The following IRAG2 variants were observed in gnomAD, a reference collection of about 807,000 sequenced individuals.
IRAG2 encodes the protein inositol 1,4,5-triphosphate receptor associated 2.
A neutral mutation model predicts 69.9 loss-of-function variants in IRAG2; 45 were observed. That is an observed-to-expected ratio of 0.64 (90% CI 0.51 to 0.83). The LOEUF is 0.83. Ranked by LOEUF, IRAG2 falls within the 40% of genes least tolerant of loss-of-function variation. IRAG2 has a pLI of 0.00. For synonymous variants in IRAG2, 193 were observed against 202.4 expected (o/e 0.95, Z 0.40); for missense variants, 520 against 587.0 (o/e 0.89, Z 1.18).
At chr12:25,049,803 A>G (rs9737700), upstream of IRAG2, among the ~76,000 whole-genome samples, 50,927 of 151,514 alleles carry the variant, frequency 0.34, 10,210 homozygotes, top group Admixed American at 0.48. Flanking sequence ...TAACAAGGTG[A>G]AACCCTGTCT....
chr12:25,104,597 T>C (rs1948930238), intron 20 of IRAG2, 135 bp downstream of exon 20: 1 of 632,432 alleles, frequency 1.6e-6, no homozygotes, highest in African/African-American at 1.8e-5. Context: ...TTTTATAAAC[T>C]GTAAAGCACA....
In IRAG2 at chr12:25,088,179, C is replaced by A. The variant is rs61912260; in HGVS notation, c.373+22C>A. 4.2e-3 allele frequency: 6,776 copies of A among 1,595,276 alleles called. 17 individuals are homozygous for A. The highest frequency in any genetic ancestry group is 5.3e-3 in the Non-Finnish European group (6,158 of 1,162,994). On this transcript the variant is annotated intron_variant, in intron 11 of 21. Coordinates refer to ENST00000556887, the MANE Select transcript of IRAG2 (RefSeq NM_001366544.2). ...GGAGGTAAGGAATGTTTCTTTCAAT[C>A]CCCATGTGAACTTTTGTTCTCTGCT...
At chr12:25,048,421 C>T (rs558430396), upstream of IRAG2, among the ~76,000 whole-genome samples, 12 of 152,146 alleles carry the variant, frequency 7.9e-5, no homozygotes, top group African/African-American at 2.2e-4. Flanking sequence ...CTCAGCCTCC[C>T]GAGTAGCTGG....
chr12:25,001,575 CTGTT>C (rs1432208905), upstream of IRAG2, among the ~76,000 whole-genome samples: 5 of 152,148 alleles, frequency 3.3e-5, no homozygotes, highest in African/African-American at 1.2e-4. Flanking sequence ...CAAAGTGAGA[CTGTT>C]TGTTATGGCT....
intron 4 of IRAG2, among the ~76,000 whole-genome samples, chr12:25,064,764 CAAT>C (rs1372481630): frequency 6.6e-6 from 1 of 152,116 alleles, no homozygotes; most frequent in Admixed American, 6.5e-5. Context: ...AACTCAGTAA[CAAT>C]AACCACCACC....
chr12:25,017,018 TAAA>T (rs200270514), intron 5 of IRAG2: 110 of 597,914 alleles, frequency 1.8e-4, no homozygotes, highest in Middle Eastern at 1.1e-3. Flanking sequence ...AGGGTAAAGT[TAAA>T]AAAAAAAAAA....
chr12:25,066,221 C>T (rs1430136224), intron 4 of IRAG2, 144 bp from the exon 5 acceptor site: 1 of 382,094 alleles, frequency 2.6e-6, no homozygotes, highest in Non-Finnish European at 4.6e-6. Context: ...TGTGATTAGG[C>T]ATCAAGGGAG....
At chr12:25,015,236 G>A in exon 4 of IRAG2, 2 of 1,224,104 alleles carry the variant, frequency 1.6e-6, no homozygotes, top group Non-Finnish European at 2.0e-6. Flanking sequence ...TTTGTGAACA[G>A]GATGGCATAA....
chr12:25,099,017 C>T (rs1406590450), intron 15 of IRAG2, among the ~76,000 whole-genome samples: 6 of 152,160 alleles, frequency 3.9e-5, no homozygotes, highest in African/African-American at 1.4e-4. Context: ...TCTAGGCTTC[C>T]TGCAGTTCTA....
At chr12:25,018,057 T>C (rs1237710407) in intron 6 of IRAG2, among the ~76,000 whole-genome samples, 4 of 152,218 alleles carry the variant, frequency 2.6e-5, no homozygotes, top group Non-Finnish European at 5.9e-5. Context: ...TTCAGTTGCA[T>C]AGATATATCA....
intron 19 of IRAG2, 101 bp from the exon 20 acceptor site, chr12:25,104,260 T>A: frequency 1.1e-6 from 1 of 909,802 alleles, no homozygotes; most frequent in Non-Finnish European, 1.8e-6. Context: ...AAAAAATAAT[T>A]AGGACATATA....
At chr12:25,000,825 C>T (rs1178665899), upstream of IRAG2, among the ~76,000 whole-genome samples, 6 of 152,220 alleles carry the variant, frequency 3.9e-5, no homozygotes, top group Admixed American at 2.0e-4. Flanking sequence ...TAGTACAATT[C>T]ACTTTCAGTT....
At chr12:25,073,984 G>C (rs1400861026) in intron 6 of IRAG2, among the ~76,000 whole-genome samples, 1 of 152,176 alleles carries the variant, frequency 6.6e-6, no homozygotes, top group Admixed American at 6.5e-5. Context: ...ATTTTTCCTA[G>C]TAATGCTCTA....
chr12:25,031,033 G>A (rs1565530110), intron 10 of IRAG2: 10 of 985,188 alleles, frequency 1.0e-5, no homozygotes, highest in Middle Eastern at 5.2e-4. Context: ...TGCTGGTTAC[G>A]GTAACTTTAA....
chr12:25,008,737 T>C (rs1189533483), intron 2 of IRAG2, among the ~76,000 whole-genome samples: 1 of 152,152 alleles, frequency 6.6e-6, no homozygotes, highest in African/African-American at 2.4e-5. Context: ...AAACTCCATC[T>C]CAAAATAAAA....
intron 6 of IRAG2, among the ~76,000 whole-genome samples, chr12:25,019,102 T>C (rs556302857): frequency 3.3e-5 from 5 of 152,214 alleles, no homozygotes; most frequent in South Asian, 2.1e-4. Flanking sequence ...GTGTAGGAGC[T>C]GGGGTGAGTG....
At position 25,104,439 on chromosome 12, in the gene IRAG2, TGAA is replaced by T; in HGVS notation, c.1132_1134del (p.Glu378del). The T allele has an allele frequency of 2.5e-6, 4 of 1,611,552 alleles. No individual in the cohort carries two copies. The highest frequency in any genetic ancestry group is 3.4e-6 in the Non-Finnish European group (4 of 1,177,728). Reference sequence around the variant, plus strand: ...TTAGCACCTATTCCTGGGCAGATGCTGAAGAAGAAAAATGTGAACTAAAGTAGG... The same window carrying T: ...TTAGCACCTATTCCTGGGCAGATGCTGAAGAAAAATGTGAACTAAAGTAGG... On this transcript the variant is annotated inframe_deletion, in exon 20 of 22. Transcript: ENST00000556887.
rs1565562984 is a variant in IRAG2 at position 25,077,288 on chromosome 12, TATATATATGAA to T, written c.25-1945_25-1935del. Among the ~76,000 whole-genome samples, 112 of 25,204 alleles carry T rather than the reference TATATATATGAA, an allele frequency of 4.4e-3. 28 individuals are homozygous for T. Among genetic ancestry groups the T allele is most frequent in the African/African-American group, 0.012 (107 of 9,256 alleles). 16.5% of individuals were successfully genotyped at this position (25,204 alleles called of 152,430 possible). ...TGAAATATATATGAAATATATATGA[TATATATATGAA>T]ATATATATGATATATATGATATATA... is the stretch of plus-strand genomic sequence containing the variant. On this transcript the variant is annotated intron_variant, in intron 6 of 21. Transcript: ENST00000556887.
rs575301501 is a variant in IRAG2, at chr12:25,105,050, G to A, written c.1148+588G>A. Among the ~76,000 whole-genome samples, 94 of 143,056 alleles carry A rather than the reference G, an allele frequency of 6.6e-4. No individual in the cohort carries two copies. The East Asian group carries it at 0.017, about 27-fold the overall frequency. 93.9% of individuals were successfully genotyped at this position (143,056 alleles called of 152,430 possible). Reference sequence around the variant, plus strand: ...GTCCTTGGGTGACATTAGAAAAAGTGCCTAACCTTACTTGGTCTCAGTTTT... The same window carrying A: ...GTCCTTGGGTGACATTAGAAAAAGTACCTAACCTTACTTGGTCTCAGTTTT... On this transcript the variant is annotated intron_variant, in intron 20 of 21. Transcript: ENST00000556887.
Sources: gnomAD v4.1 joint callset for allele counts (sites outside exome capture counted in the v4.1 genomes callset) on GRCh38, gnomAD v4.1.1 for gene constraint, MANE v1.5 for transcripts, NCBI Gene and HGNC (gene_info 2026-07-23, HGNC 2026-07-21) for gene names.